Variants in PHLPP1 observed in about 807,000 individuals in gnomAD.
PHLPP1 encodes the protein PH domain leucine-rich repeat-containing protein phosphatase 1.
Under a neutral mutation model 117.2 loss-of-function variants are expected in PHLPP1, and 42 were observed. The observed-to-expected ratio is 0.36, with a 90% CI of 0.28 to 0.46. The LOEUF (loss-of-function observed/expected upper bound fraction) is 0.46, where lower values mean the gene tolerates loss of function less well. Among genes scored for constraint, PHLPP1 ranks in the 20% least tolerant of loss-of-function variants. The pLI is 1.00. For missense variants in PHLPP1, 2,084 were observed against 2,241.9 expected, an observed-to-expected ratio of 0.93 and a Z score of 1.42; for synonymous variants, 1,042 against 970.7, an observed-to-expected ratio of 1.07 and a Z score of -1.37.
intron 3 of PHLPP1, among the ~76,000 whole-genome samples, chr18:62,843,245 C>T (rs969616284): frequency 2.4e-4 from 37 of 152,108 alleles, no homozygotes; most frequent in African/African-American, 8.9e-4. Context: ...AACAAACCAA[C>T]AACAGGAACA....
chr18:62,903,446 A>G (rs965042248), intron 7 of PHLPP1, among the ~76,000 whole-genome samples: 3 of 152,134 alleles, frequency 2.0e-5, no homozygotes, highest in African/African-American at 7.2e-5. Flanking sequence ...AAAGTGAACT[A>G]TTTCTTGGGC....
At chr18:62,718,967 A>T (rs1288897737) in intron 1 of PHLPP1, among the ~76,000 whole-genome samples, 1 of 152,200 alleles carries the variant, frequency 6.6e-6, no homozygotes, top group Non-Finnish European at 1.5e-5. Flanking sequence ...AATGGGTAAT[A>T]AGCACTTTCT....
At chr18:62,961,018 C>T (rs963570390) in intron 13 of PHLPP1, among the ~76,000 whole-genome samples, 3 of 152,140 alleles carry the variant, frequency 2.0e-5, no homozygotes, top group Non-Finnish European at 4.4e-5. Flanking sequence ...ACAAGATGGC[C>T]GGGTGTGGTG....
rs777346285 is a variant in PHLPP1 at position 62,920,098 on chromosome 18, C to G, written c.2944C>G (p.Leu982Val). 6.2e-7 allele frequency: 1 copy of G among 1,613,618 alleles called. No homozygotes were observed. The highest frequency in any genetic ancestry group is 2.2e-5 in the East Asian group (1 of 44,870). Residue 982 changes from leucine to valine, a missense_variant, in exon 10 of 17, where the codon CTG (leucine) becomes GTG (valine). Physicochemically the swap from Leu to Val is conservative, Grantham distance 32 (BLOSUM62 1). Coordinates refer to ENST00000262719, the MANE Select transcript of PHLPP1 (RefSeq NM_194449.4). ...GCTCCTTGAGCTCCCACCTAACCTT[C>G]TGATGAAGGCTGACAGGTAAAGCCA... ...NQLLELPPNLLMKADSLRFLN... is the reference protein window; with the variant it reads ...NQLLELPPNLVMKADSLRFLN...
chr18:62,812,633 C>T (rs1914156721), intron 1 of PHLPP1, among the ~76,000 whole-genome samples: 1 of 152,106 alleles, frequency 6.6e-6, no homozygotes, highest in African/African-American at 2.4e-5. Flanking sequence ...GTGAGGCCTG[C>T]TGCCCAGCTT....
chr18:62,825,115 C>T (rs1486468170), intron 1 of PHLPP1, among the ~76,000 whole-genome samples: 2 of 151,876 alleles, frequency 1.3e-5, no homozygotes, highest in African/African-American at 2.4e-5. Context: ...CCTGCCACCA[C>T]GCCTGAATAA....
At chr18:62,916,325 C>T (rs1223923485) in intron 9 of PHLPP1, among the ~76,000 whole-genome samples, 1 of 150,736 alleles carries the variant, frequency 6.6e-6, no homozygotes, top group Non-Finnish European at 1.5e-5. Context: ...TCTGAGAATT[C>T]ATTTACTTGT....
At chr18:62,884,983 A>G (rs1297281245) in intron 4 of PHLPP1, among the ~76,000 whole-genome samples, 2 of 152,250 alleles carry the variant, frequency 1.3e-5, no homozygotes, top group African/African-American at 4.8e-5. Context: ...ATGTCTCCAA[A>G]TAGTCATCAT....
intron 10 of PHLPP1, among the ~76,000 whole-genome samples, chr18:62,930,912 G>A (rs1461348787): frequency 5.3e-5 from 8 of 152,088 alleles, no homozygotes; most frequent in Admixed American, 1.3e-4. Context: ...AAATAGGGCC[G>A]GGTGCGGTGG....
intron 1 of PHLPP1, among the ~76,000 whole-genome samples, chr18:62,768,549 G>A (rs924089214): frequency 6.6e-6 from 1 of 152,098 alleles, no homozygotes; most frequent in Non-Finnish European, 1.5e-5. Context: ...TGTAATACAG[G>A]CAAAAATGAG....
At chr18:62,897,364 C>A (rs2144400904) in intron 6 of PHLPP1, among the ~76,000 whole-genome samples, 2 of 152,252 alleles carry the variant, frequency 1.3e-5, no homozygotes, top group South Asian at 4.1e-4. Context: ...TATTTAAATA[C>A]CAGAATAGAC....
At position 62,716,592 on chromosome 18, in the gene PHLPP1, C is replaced by G; in HGVS notation, c.909C>G (p.Pro303=). 7.7e-7 allele frequency: 1 copy of G among 1,296,848 alleles called. No homozygotes were observed. Among genetic ancestry groups the G allele is most frequent in the Non-Finnish European group, 9.8e-7 (1 of 1,024,988 alleles). 80.3% of individuals were successfully genotyped at this position (1,296,848 alleles called of 1,614,324 possible). Residue 303 remains proline (P), a synonymous_variant, in exon 1 of 17, where the codon CCC becomes CCG. Transcript: ENST00000262719. This position sits in a 1 kb window ranked among gnomAD's most constrained non-coding sequence, Gnocchi z 5.7. ...GPPRAPPADL[P]LPVGGPGGWS... ...CGCGCGCGCCCCCCGCCGACCTACC[C>G]CTGCCCGTCGGCGGCCCGGGCGGGT...
chr18:62,824,527 C>T (rs934487378), intron 1 of PHLPP1, among the ~76,000 whole-genome samples: 4 of 152,030 alleles, frequency 2.6e-5, no homozygotes, highest in Admixed American at 6.6e-5. Flanking sequence ...CATGAGGAAA[C>T]GGCAGTGATC....
intron 3 of PHLPP1, among the ~76,000 whole-genome samples, chr18:62,845,834 A>T (rs1464903259): frequency 6.6e-6 from 1 of 152,146 alleles, no homozygotes; most frequent in Non-Finnish European, 1.5e-5. Context: ...CTTTTCTGGA[A>T]ACCCTCAATT....
intron 8 of PHLPP1, among the ~76,000 whole-genome samples, chr18:62,912,046 G>A (rs866345153): frequency 2.6e-4 from 25 of 97,970 alleles, no homozygotes; most frequent in South Asian, 7.9e-4. Context: ...GTAAACTATC[G>A]CAAGAACAAA....
chr18:62,829,971 A>G, intron 1 of PHLPP1, 64 bp from the exon 2 acceptor site: 1 of 1,167,658 alleles, frequency 8.6e-7, no homozygotes, highest in Admixed American at 2.3e-5. Flanking sequence ...TATATCTGCT[A>G]TGTAGATGAG....
intron 1 of PHLPP1, among the ~76,000 whole-genome samples, chr18:62,717,894 C>G (rs1399805910): frequency 2.0e-5 from 3 of 152,006 alleles, no homozygotes; most frequent in Admixed American, 6.5e-5. Context: ...GTTTGTCTTG[C>G]ATAAAAAAAA....
At chr18:62,775,740 A>G (rs1439444374) in intron 1 of PHLPP1, among the ~76,000 whole-genome samples, 1 of 152,198 alleles carries the variant, frequency 6.6e-6, no homozygotes, top group Non-Finnish European at 1.5e-5. Flanking sequence ...GAAGTATATA[A>G]TTAGATCAGT....
intron 6 of PHLPP1, among the ~76,000 whole-genome samples, chr18:62,901,898 G>T (rs1916734170): frequency 1.3e-5 from 2 of 152,078 alleles, no homozygotes; most frequent in Admixed American, 1.3e-4. Flanking sequence ...AAAGTGCTGG[G>T]ATTACAGGTG....
Sources: gnomAD v4.1 joint callset for allele counts (sites outside exome capture counted in the v4.1 genomes callset) on GRCh38, gnomAD v4.1.1 for gene constraint, Gnocchi (gnomAD v3.1) non-coding constraint, MANE v1.5 for transcripts, NCBI Gene and HGNC (gene_info 2026-07-23, HGNC 2026-07-21) for gene names.